Variants in FIG4 observed in about 807,000 individuals in gnomAD.
The protein encoded by FIG4 is polyphosphoinositide phosphatase.
In FIG4, 112 loss-of-function variants were observed where a neutral mutation model predicts 118.6. The observed-to-expected ratio is 0.94, with a 90% CI of 0.81 to 1.11. FIG4 has a LOEUF of 1.11. Among genes scored for constraint, FIG4 ranks in the 50% least tolerant of loss-of-function variants. FIG4 has a pLI of 0.00. For missense variants in FIG4, 969 were observed against 1,111.7 expected (o/e 0.87, Z 1.83); for synonymous variants, 369 against 381.2 (o/e 0.97, Z 0.37).
At chr6:109,812,451 A>G (rs1164755528) in intron 22 of FIG4, among the ~76,000 whole-genome samples, 1 of 152,178 alleles carries the variant, frequency 6.6e-6, no homozygotes, top group East Asian at 1.9e-4. Context: ...TCTGATTTAC[A>G]TCTCTAAAAG....
At chr6:109,808,350 CAAAAAAAAAAAA>C (rs55948419) in intron 22 of FIG4, among the ~76,000 whole-genome samples, 1 of 67,058 alleles carries the variant, frequency 1.5e-5, no homozygotes, top group East Asian at 4.8e-4. Flanking sequence ...ACACTCACAG[CAAAAAAAAAAAA>C]AAAAAAAAAA....
At chr6:109,702,648 A>T (rs933435217) in intron 1 of FIG4, among the ~76,000 whole-genome samples, 1 of 138,626 alleles carries the variant, frequency 7.2e-6, no homozygotes, top group African/African-American at 2.9e-5. Flanking sequence ...TGTGTGCTCC[A>T]GTTACTGCTC....
At chr6:109,770,942 A>G (rs1007936723) in intron 15 of FIG4, among the ~76,000 whole-genome samples, 1 of 152,188 alleles carries the variant, frequency 6.6e-6, no homozygotes, top group Admixed American at 6.5e-5. Context: ...TGGCATTATG[A>G]TAGTACTCTA....
chr6:109,705,082 T>A (rs952473017), intron 1 of FIG4, among the ~76,000 whole-genome samples: 3 of 152,156 alleles, frequency 2.0e-5, no homozygotes, highest in Non-Finnish European at 4.4e-5. Flanking sequence ...CTGTTGTCTT[T>A]GAAGATTTTT....
Position 109,716,519 on chromosome 6 carries a change from G to C in FIG4, c.240G>C (p.Gln80His). The C allele has an allele frequency of 3.7e-6, 6 of 1,613,990 alleles. No individual in the cohort carries two copies. Among genetic ancestry groups the C allele is most frequent in the Non-Finnish European group, 5.1e-6 (6 of 1,179,882 alleles). Reference sequence around the variant, plus strand: ...TTGGAAATAGAACAAAGATGGGACAGAAAGGATCCTCGGGCTTATTTCGAG... The same window carrying C: ...TTGGAAATAGAACAAAGATGGGACACAAAGGATCCTCGGGCTTATTTCGAG... ...LDLGNRTKMG[Q>H]KGSSGLFRAV... The change falls in exon 3 of 23, where the codon CAG (glutamine) becomes CAC (histidine). Residue 80 changes from glutamine (Q) to histidine (H), a missense_variant. Coordinates refer to ENST00000230124, the MANE Select transcript of FIG4 (RefSeq NM_014845.6).
At chr6:109,736,670 T>A (rs1776167866) in intron 6 of FIG4, among the ~76,000 whole-genome samples, 1 of 152,164 alleles carries the variant, frequency 6.6e-6, no homozygotes, top group Admixed American at 6.5e-5. Flanking sequence ...GCTACTAAAT[T>A]TTTTGCCATC....
intron 3 of FIG4, among the ~76,000 whole-genome samples, chr6:109,717,530 T>C (rs1042030874): frequency 1.3e-5 from 2 of 152,128 alleles, no homozygotes; most frequent in African/African-American, 4.8e-5. Flanking sequence ...AACTCTAAGA[T>C]TATAAGTAAG....
chr6:109,763,131 G>A (rs1488860399), intron 12 of FIG4, among the ~76,000 whole-genome samples: 1 of 152,214 alleles, frequency 6.6e-6, no homozygotes, highest in Admixed American at 6.5e-5. Flanking sequence ...GGCAGCCTCT[G>A]CCTGACATAT....
At chr6:109,696,162 A>G (rs935098796) in intron 1 of FIG4, among the ~76,000 whole-genome samples, 1 of 152,156 alleles carries the variant, frequency 6.6e-6, no homozygotes, top group African/African-American at 2.4e-5. Context: ...CTTCCACCCA[A>G]GTTTTACCAT....
At chr6:109,772,627 A>C (rs925117819) in intron 15 of FIG4, among the ~76,000 whole-genome samples, 1 of 151,676 alleles carries the variant, frequency 6.6e-6, no homozygotes, top group African/African-American at 2.4e-5. Flanking sequence ...GCTGATTTTT[A>C]TTTTTAGTAG....
At position 109,706,170 on chromosome 6, in the gene FIG4, C is replaced by G. The variant is rs1231171687; in HGVS notation, c.67-8908C>G. On this transcript the variant is annotated intron_variant, in intron 1 of 22. Transcript: ENST00000230124. ...CTTATAGTAGGGGGCAGACAAGCCC[C>G]AAACAAATTTAGACAAGACTTTCAG... Among the ~76,000 whole-genome samples the G allele has an allele frequency of 2.0e-5, 3 of 152,176 alleles. No homozygotes were observed. The East Asian group carries it at 5.8e-4, about 29-fold the overall frequency.
At chr6:109,753,209 C>T (rs7775092) in intron 10 of FIG4, among the ~76,000 whole-genome samples, 15,571 of 152,056 alleles carry the variant, frequency 0.1, 1,447 homozygotes, top group African/African-American at 0.24. Context: ...GCTTAGCTTC[C>T]GAGATCAGAC....
intron 22 of FIG4, 76 bp from the exon 23 acceptor site, chr6:109,825,012 T>C: frequency 7.3e-7 from 1 of 1,366,816 alleles, no homozygotes; most frequent in Middle Eastern, 1.8e-4. Flanking sequence ...GACTCTCAAG[T>C]GCTTCTGAGA....
chr6:109,802,280 C>G (rs1051661683), intron 22 of FIG4, among the ~76,000 whole-genome samples: 1 of 152,140 alleles, frequency 6.6e-6, no homozygotes, highest in African/African-American at 2.4e-5. Context: ...TTCTTTCCCC[C>G]TCACTGTCCT....
intron 15 of FIG4, among the ~76,000 whole-genome samples, chr6:109,769,995 G>A (rs1373693856): frequency 1.3e-5 from 2 of 152,196 alleles, no homozygotes; most frequent in African/African-American, 2.4e-5. Flanking sequence ...TATGTGGATG[G>A]ACTGATGCTA....
intron 3 of FIG4, among the ~76,000 whole-genome samples, chr6:109,726,145 T>G (rs1439818547): frequency 6.6e-6 from 1 of 152,230 alleles, no homozygotes; most frequent in African/African-American, 2.4e-5. Flanking sequence ...TGCCATTGCT[T>G]TTGGTGTTTT....
intron 1 of FIG4, among the ~76,000 whole-genome samples, chr6:109,693,978 A>G (rs1409281616): frequency 6.6e-6 from 1 of 150,582 alleles, no homozygotes; most frequent in African/African-American, 2.4e-5. Context: ...ATTACAGGCA[A>G]CTGGATAAAT....
chr6:109,692,312 A>G (rs1774492289), intron 1 of FIG4, among the ~76,000 whole-genome samples: 1 of 152,206 alleles, frequency 6.6e-6, no homozygotes, highest in African/African-American at 2.4e-5. Context: ...ATTTCATGCT[A>G]ACAAGATTGC....
intron 4 of FIG4, among the ~76,000 whole-genome samples, chr6:109,729,978 TG>T (rs1775944485): frequency 1.3e-5 from 2 of 152,122 alleles, no homozygotes; most frequent in Non-Finnish European, 2.9e-5. Context: ...TCTACATAAT[TG>T]GAGAGATGTC....
Sources: allele counts gnomAD v4.1 joint callset (sites outside exome capture counted in the v4.1 genomes callset), GRCh38; gene constraint gnomAD v4.1.1; transcripts MANE v1.5; gene names NCBI Gene and HGNC (gene_info 2026-07-23, HGNC 2026-07-21).